PDE1C: variants seen among roughly 807,000 people sequenced by gnomAD.
PDE1C encodes the protein phosphodiesterase 1C, also known as dual specificity calcium/calmodulin-dependent 3',5'-cyclic nucleotide phosphodiesterase 1C.
Under a neutral mutation model 93.1 loss-of-function variants are expected in PDE1C, and 62 were observed. The observed-to-expected ratio is 0.67, with a 90% CI of 0.54 to 0.82. The LOEUF (loss-of-function observed/expected upper bound fraction) is 0.82. PDE1C is among the 40% of genes least tolerant of loss of function. The pLI, the probability that PDE1C is intolerant of heterozygous loss-of-function variation, is 0.00. For synonymous variants in PDE1C, 325 were observed against 310.1 expected (o/e 1.05, Z -0.50); for missense variants, 742 against 884.6 (o/e 0.84, Z 2.04).
intron 1 of PDE1C, among the ~76,000 whole-genome samples, chr7:32,359,044 C>T (rs1173037892): frequency 2.6e-5 from 4 of 152,124 alleles, no homozygotes; most frequent in African/African-American, 9.7e-5. Context: ...GTGAGAATCC[C>T]CACCCTTGAT....
At chr7:31,675,420 C>T in the PDE1C span, among the ~76,000 whole-genome samples, 1 of 152,122 alleles carries the variant, frequency 6.6e-6, no homozygotes, top group Non-Finnish European at 1.5e-5. Flanking sequence ...ACCATCCAAG[C>T]ATTAGTGTTG....
chr7:32,035,122 C>A (rs751770579), intron 2 of PDE1C, among the ~76,000 whole-genome samples: 1 of 152,072 alleles, frequency 6.6e-6, no homozygotes, highest in Non-Finnish European at 1.5e-5. Flanking sequence ...GAAATCCAAC[C>A]CAAAGGACAT....
At chr7:31,966,398 A>C (rs1809967529) in intron 2 of PDE1C, among the ~76,000 whole-genome samples, 1 of 152,220 alleles carries the variant, frequency 6.6e-6, no homozygotes, top group Admixed American at 6.5e-5. Flanking sequence ...CAATTCAACA[A>C]GAAGAACTAA....
intron 2 of PDE1C, among the ~76,000 whole-genome samples, chr7:31,956,156 C>T (rs1044549824): frequency 7.2e-5 from 11 of 151,926 alleles, no homozygotes; most frequent in South Asian, 6.2e-4. Flanking sequence ...TGCAGTGGTG[C>T]GATCTCGGCT....
Position 31,868,917 on chromosome 7 carries a change from C to T in PDE1C, c.610-3835G>A, listed in dbSNP as rs116952162. On this transcript the variant is annotated intron_variant, in intron 6 of 17. Transcript: ENST00000396191. ...AGTCCTAAAAGAAAAAAAAAAAAGC[C>T]AACCAAGGATGCTATATTGAGCAAA... 5.7e-4 allele frequency among the ~76,000 whole-genome samples: 86 copies of T among 150,760 alleles called. 1 individual carries two copies. The East Asian group carries it at 0.013, about 23-fold the overall frequency.
At chr7:32,170,135 CT>C (rs1381591632) in intron 2 of PDE1C, among the ~76,000 whole-genome samples, 2 of 152,150 alleles carry the variant, frequency 1.3e-5, no homozygotes, top group Admixed American at 1.3e-4. Context: ...AGAAAATAGG[CT>C]ACCACTCTGA....
chr7:32,078,494 G>C (rs1219049011), intron 3 of PDE1C, among the ~76,000 whole-genome samples: 1 of 152,180 alleles, frequency 6.6e-6, no homozygotes, highest in African/African-American at 2.4e-5. Context: ...GAGAAGAAAG[G>C]CTCCAGGAAA....
intron 1 of PDE1C, among the ~76,000 whole-genome samples, chr7:32,369,150 T>C (rs1485099737): frequency 1.3e-5 from 2 of 152,088 alleles, no homozygotes; most frequent in Admixed American, 6.6e-5. Context: ...GATGGGATTG[T>C]ATCAAACTAA....
intron 7 of PDE1C, among the ~76,000 whole-genome samples, chr7:31,856,216 T>C (rs1793998736): frequency 1.3e-5 from 2 of 152,208 alleles, no homozygotes; most frequent in African/African-American, 4.8e-5. Context: ...TGGTTTGTAA[T>C]GAAAGGTTAG....
intron 2 of PDE1C, among the ~76,000 whole-genome samples, chr7:31,959,956 C>G (rs903872344): frequency 3.3e-5 from 5 of 151,904 alleles, no homozygotes; most frequent in Non-Finnish European, 4.4e-5. Context: ...ACCTCTGCCT[C>G]CCGGGTTCAA....
intron 1 of PDE1C, among the ~76,000 whole-genome samples, chr7:32,248,846 G>GT (rs1166446564): frequency 6.6e-6 from 1 of 152,156 alleles, no homozygotes; most frequent in African/African-American, 2.4e-5. Flanking sequence ...GCTTCCTTTT[G>GT]TTTTTTGCTT....
chr7:31,985,568 C>T (rs1783272749), intron 2 of PDE1C, among the ~76,000 whole-genome samples: 2 of 152,062 alleles, frequency 1.3e-5, no homozygotes, highest in East Asian at 3.9e-4. Context: ...GCTATCCCTC[C>T]CCCAACCCCC....
At chr7:32,322,658 G>A (rs13244617) in intron 1 of PDE1C, among the ~76,000 whole-genome samples, 11,184 of 146,374 alleles carry the variant, frequency 0.076, 507 homozygotes, top group East Asian at 0.13. Flanking sequence ...GCTCTCTCAC[G>A]CAGGCTGGAG....
At chr7:32,185,755 G>A (rs957028308) in intron 2 of PDE1C, among the ~76,000 whole-genome samples, 1 of 151,844 alleles carries the variant, frequency 6.6e-6, no homozygotes, top group African/African-American at 2.4e-5. Context: ...AGTCACATGC[G>A]GCAATTTAAA....
At chr7:31,721,218 C>G in the PDE1C span, among the ~76,000 whole-genome samples, 1 of 152,144 alleles carries the variant, frequency 6.6e-6, no homozygotes, top group Non-Finnish European at 1.5e-5. Flanking sequence ...TTATGTTCAC[C>G]ATTCAGAAAT....
intron 1 of PDE1C, among the ~76,000 whole-genome samples, chr7:32,328,794 T>A (rs1783454243): frequency 1.3e-5 from 2 of 152,256 alleles, no homozygotes; most frequent in African/African-American, 2.4e-5. Context: ...ATAGCTTGTT[T>A]CTTTATTCGC....
chr7:31,964,255 C>T (rs1809519950), intron 2 of PDE1C, among the ~76,000 whole-genome samples: 1 of 152,216 alleles, frequency 6.6e-6, no homozygotes, highest in Non-Finnish European at 1.5e-5. Flanking sequence ...GTCACTCCCA[C>T]CCTAATACTG....
chr7:32,224,171 G>A (rs1297901832), intron 1 of PDE1C, among the ~76,000 whole-genome samples: 1 of 152,106 alleles, frequency 6.6e-6, no homozygotes, highest in Non-Finnish European at 1.5e-5. Flanking sequence ...TCAGGAGTTC[G>A]AGACCATCCT....
chr7:31,980,210 T>G (rs1318265311), intron 2 of PDE1C, among the ~76,000 whole-genome samples: 1 of 152,188 alleles, frequency 6.6e-6, no homozygotes, highest in Admixed American at 6.5e-5. Flanking sequence ...TCCACTTTAT[T>G]ACAAGGTTAC....
Sources: allele counts gnomAD v4.1 joint callset (sites outside exome capture counted in the v4.1 genomes callset), GRCh38; gene constraint gnomAD v4.1.1; transcripts MANE v1.5; gene names NCBI Gene and HGNC (gene_info 2026-07-23, HGNC 2026-07-21).